Variants in TCF7L1 observed in about 807,000 individuals in gnomAD.
TCF7L1 encodes the protein transcription factor 7 like 1.
A neutral mutation model predicts 63.7 loss-of-function variants in TCF7L1; 18 were observed. The observed-to-expected ratio is 0.28, with a 90% confidence interval of 0.20 to 0.42. The LOEUF (loss-of-function observed/expected upper bound fraction) is 0.42. Among genes scored for constraint, TCF7L1 ranks in the 10% least tolerant of loss-of-function variants. TCF7L1 has a pLI of 1.00. For synonymous variants in TCF7L1, 355 were observed against 340.9 expected (o/e 1.04, Z -0.46); for missense variants, 654 against 779.3 (o/e 0.84, Z 1.91).
intron 3 of TCF7L1, among the ~76,000 whole-genome samples, chr2:85,246,854 TCTTGTCCA>T (rs1459925020): frequency 2.0e-5 from 3 of 152,204 alleles, no homozygotes; most frequent in African/African-American, 7.2e-5. Flanking sequence ...CCTCCTTCCC[TCTTGTCCA>T]CTTGTAGGAC....
At chr2:85,283,265 T>TCTCCC (rs146827223) in intron 3 of TCF7L1, among the ~76,000 whole-genome samples, 1 of 109,748 alleles carries the variant, frequency 9.1e-6, no homozygotes, top group African/African-American at 3.1e-5. Flanking sequence ...GTCATTCGTG[T>TCTCCC]CCCCCCCCCC....
intron 3 of TCF7L1, among the ~76,000 whole-genome samples, chr2:85,218,650 A>C (rs186926560): frequency 6.7e-6 from 1 of 148,892 alleles, no homozygotes; most frequent in Non-Finnish European, 1.5e-5. Flanking sequence ...GGGGGGGGGA[A>C]AACTGGTGAT....
At chr2:85,144,749 G>GTGTGTGTGTT (rs767439897) in intron 3 of TCF7L1, among the ~76,000 whole-genome samples, 26 of 147,170 alleles carry the variant, frequency 1.8e-4, no homozygotes, top group African/African-American at 6.3e-4. Context: ...GTGTGTGTGT[G>GTGTGTGTGTT]TATGTGTGTG....
At chr2:85,195,520 C>G (rs1326203213) in intron 3 of TCF7L1, among the ~76,000 whole-genome samples, 2 of 152,032 alleles carry the variant, frequency 1.3e-5, no homozygotes, top group East Asian at 3.9e-4. Context: ...TTGCTTTTTG[C>G]TTGCTTTTTT....
At chr2:85,162,903 T>A (rs1356163731) in intron 3 of TCF7L1, among the ~76,000 whole-genome samples, 1 of 152,098 alleles carries the variant, frequency 6.6e-6, no homozygotes, top group Non-Finnish European at 1.5e-5. Context: ...TTCCCACCAT[T>A]CCCCGCTGTT....
intron 3 of TCF7L1, among the ~76,000 whole-genome samples, chr2:85,230,598 G>A (rs1194584032): frequency 6.6e-6 from 1 of 152,152 alleles, no homozygotes. Flanking sequence ...GCCTCTCAAA[G>A]TGCTGGGATT....
At chr2:85,148,910 A>G (rs2104201397) in intron 3 of TCF7L1, among the ~76,000 whole-genome samples, 1 of 151,398 alleles carries the variant, frequency 6.6e-6, no homozygotes, top group Non-Finnish European at 1.5e-5. Context: ...TCCTGAGTAG[A>G]TGGAATTATA....
intron 3 of TCF7L1, among the ~76,000 whole-genome samples, chr2:85,250,842 T>C (rs1220915197): frequency 6.6e-6 from 1 of 152,202 alleles, no homozygotes; most frequent in Non-Finnish European, 1.5e-5. Flanking sequence ...AAGAAAGCCC[T>C]GAATGCACAG....
chr2:85,270,205 C>A (rs1187631000), intron 3 of TCF7L1, among the ~76,000 whole-genome samples: 3 of 152,226 alleles, frequency 2.0e-5, no homozygotes, highest in Admixed American at 6.5e-5. Context: ...ATACACAGAT[C>A]CTGCTTCCTT....
At chr2:85,251,946 G>A (rs1443014308) in intron 3 of TCF7L1, among the ~76,000 whole-genome samples, 6 of 152,106 alleles carry the variant, frequency 3.9e-5, no homozygotes, top group East Asian at 1.9e-4. Flanking sequence ...GTGGTGGCAC[G>A]TACCTGTAAT....
intron 3 of TCF7L1, among the ~76,000 whole-genome samples, chr2:85,268,895 G>T (rs765164282): frequency 5.3e-5 from 8 of 152,296 alleles, no homozygotes; most frequent in Admixed American, 5.2e-4. Context: ...CTGGAGGAAC[G>T]AGTGTGGGGC....
At chr2:85,138,548 T>A (rs1677649009) in intron 3 of TCF7L1, among the ~76,000 whole-genome samples, 1 of 152,200 alleles carries the variant, frequency 6.6e-6, no homozygotes, top group Non-Finnish European at 1.5e-5. Context: ...GCTTTTCACA[T>A]GGAACAAGCT....
intron 3 of TCF7L1, among the ~76,000 whole-genome samples, chr2:85,204,129 T>G: frequency 6.6e-6 from 1 of 152,186 alleles, no homozygotes; most frequent in Admixed American, 6.5e-5. Context: ...AATTCTTCCT[T>G]GATTTTCTTT....
intron 3 of TCF7L1, among the ~76,000 whole-genome samples, chr2:85,191,484 T>C (rs1679036804): frequency 6.6e-6 from 1 of 152,190 alleles, no homozygotes; most frequent in Non-Finnish European, 1.5e-5. Context: ...CTCATAGGGT[T>C]AGTTAGTATT....
chr2:85,146,653 C>T (rs1033791027), intron 3 of TCF7L1, among the ~76,000 whole-genome samples: 1 of 151,984 alleles, frequency 6.6e-6, no homozygotes, highest in Non-Finnish European at 1.5e-5. Context: ...AGGCGCCTGC[C>T]ACCACGCCTG....
chr2:85,205,635 G>A lies in TCF7L1; in HGVS notation c.441+71185G>A, dbSNP rs528325244. Among the ~76,000 whole-genome samples the A allele has an allele frequency of 1.5e-3, 228 of 151,748 alleles. 1 individual carries two copies. The highest frequency in any genetic ancestry group is 2.1e-3 in the Non-Finnish European group (143 of 67,958). On this transcript the variant is annotated intron_variant, in intron 3 of 11. Transcript: ENST00000282111. ...CAGCCTCTGCCTCCCAGGTTCAAGCGATCCTCCCACCTCAGCCTCCCAAGT... is the reference window on the plus strand; with the variant it reads ...CAGCCTCTGCCTCCCAGGTTCAAGCAATCCTCCCACCTCAGCCTCCCAAGT...
chr2:85,224,720 C>T (rs1343455136), intron 3 of TCF7L1, among the ~76,000 whole-genome samples: 1 of 152,114 alleles, frequency 6.6e-6, no homozygotes, highest in East Asian at 1.9e-4. Flanking sequence ...AAAATTTTCT[C>T]CTATTCTGTA....
chr2:85,181,990 C>G (rs1678814095), intron 3 of TCF7L1, among the ~76,000 whole-genome samples: 1 of 152,146 alleles, frequency 6.6e-6, no homozygotes, highest in Non-Finnish European at 1.5e-5. Context: ...GGGGCGGGCC[C>G]TGTGGTGTCT....
chr2:85,256,293 G>C (rs572452556), intron 3 of TCF7L1, among the ~76,000 whole-genome samples: 1 of 151,568 alleles, frequency 6.6e-6, no homozygotes, highest in Non-Finnish European at 1.5e-5. Context: ...GCTTAGAAGC[G>C]TCCGAGTCAG....
Sources: gnomAD v4.1 joint callset for allele counts (sites outside exome capture counted in the v4.1 genomes callset) on GRCh38, gnomAD v4.1.1 for gene constraint, MANE v1.5 for transcripts, NCBI Gene and HGNC (gene_info 2026-07-23, HGNC 2026-07-21) for gene names.